Variants in CHL1 observed in about 807,000 individuals in gnomAD.
The protein encoded by CHL1 is cell adhesion molecule L1 like.
CHL1 carries 96 observed loss-of-function variants against 141.9 expected under a neutral mutation model. The observed-to-expected ratio is 0.68, with a 90% CI of 0.57 to 0.80. The LOEUF is 0.80. CHL1 is among the 30% of genes least tolerant of loss of function. CHL1 has a pLI of 0.00. For missense variants in CHL1, 1,820 were observed against 1,457.2 expected, an observed-to-expected ratio of 1.25 and a Z score of -4.05; for synonymous variants, 613 against 502.2, an observed-to-expected ratio of 1.22 and a Z score of -2.95.
chr3:370,660 T>C (rs1705513795), intron 15 of CHL1, among the ~76,000 whole-genome samples: 1 of 152,152 alleles, frequency 6.6e-6, no homozygotes, highest in South Asian at 2.1e-4. Context: ...CTTGGATTAG[T>C]TTGCTCTTGC....
intron 15 of CHL1, among the ~76,000 whole-genome samples, chr3:373,274 C>A (rs187340776): frequency 6.6e-5 from 10 of 152,340 alleles, no homozygotes; most frequent in Admixed American, 3.3e-4. Context: ...CCAGGGAGAT[C>A]TGGATTCTGT....
intron 1 of CHL1, among the ~76,000 whole-genome samples, chr3:219,146 CA>C (rs35572288): frequency 0.89 from 129,276 of 145,468 alleles, 58,668 homozygotes; most frequent in East Asian, 1. Context: ...GAGACTCTGT[CA>C]AAAAAAAAAA....
chr3:395,883 A>G (rs542813673), intron 24 of CHL1, among the ~76,000 whole-genome samples: 154 of 152,296 alleles, frequency 1.0e-3, no homozygotes, highest in Middle Eastern at 3.4e-3. Flanking sequence ...GAGAAAATGC[A>G]GTTGCCTATT....
intron 2 of CHL1, among the ~76,000 whole-genome samples, chr3:260,146 G>A (rs943801948): frequency 2.0e-5 from 3 of 152,020 alleles, no homozygotes; most frequent in African/African-American, 7.3e-5. Flanking sequence ...GACCTGTAAT[G>A]CCAGTTACTC....
chr3:363,110 C>A, intron 13 of CHL1, 107 bp from the exon 14 acceptor site: 3 of 867,938 alleles, frequency 3.5e-6, no homozygotes, highest in Admixed American at 3.0e-5. Flanking sequence ...ATGAGGTTTT[C>A]TGAGCTATTG....
chr3:249,974 CTT>C (rs58141673), intron 2 of CHL1, among the ~76,000 whole-genome samples: 2 of 147,844 alleles, frequency 1.4e-5, no homozygotes, highest in Non-Finnish European at 1.5e-5. Context: ...AAAAAGCATA[CTT>C]TTTTTTTTTG....
At chr3:213,890 C>G (rs1196812998) in intron 1 of CHL1, among the ~76,000 whole-genome samples, 1 of 151,940 alleles carries the variant, frequency 6.6e-6, no homozygotes, top group Non-Finnish European at 1.5e-5. Flanking sequence ...AAAAAACTTT[C>G]TGATGTGAAA....
intron 2 of CHL1, among the ~76,000 whole-genome samples, chr3:311,207 T>C (rs1393628390): frequency 6.6e-6 from 1 of 152,204 alleles, no homozygotes; most frequent in Non-Finnish European, 1.5e-5. Flanking sequence ...TTTGTGGACA[T>C]AAGTTTTCAA....
intron 4 of CHL1, among the ~76,000 whole-genome samples, chr3:326,799 T>C (rs190636963): frequency 2.6e-5 from 4 of 152,062 alleles, no homozygotes; most frequent in African/African-American, 9.6e-5. Flanking sequence ...GATTATCTTA[T>C]ATTCATTAAG....
intron 1 of CHL1, among the ~76,000 whole-genome samples, chr3:207,474 GAGA>G (rs908365939): frequency 3.3e-5 from 5 of 152,166 alleles, no homozygotes; most frequent in African/African-American, 4.8e-5. Context: ...TGACATAGTG[GAGA>G]ATTCATGCAT....
intron 5 of CHL1, among the ~76,000 whole-genome samples, chr3:337,341 C>T (rs557104415): frequency 5.4e-5 from 8 of 147,674 alleles, no homozygotes; most frequent in East Asian, 2.0e-4. Flanking sequence ...CAGGCGCCCG[C>T]CACCACGCCC....
intron 1 of CHL1, chr3:213,507 T>C (rs1053449717): frequency 1.3e-5 from 2 of 152,200 alleles, no homozygotes; most frequent in Non-Finnish European, 2.9e-5. Flanking sequence ...ACTGAATATA[T>C]GCCCATAAAA....
At chr3:289,776 T>G (rs1559206440) in intron 2 of CHL1, among the ~76,000 whole-genome samples, 1 of 151,714 alleles carries the variant, frequency 6.6e-6, no homozygotes. Context: ...ATTTAATACA[T>G]ATTGATTTAA....
chr3:202,209 G>A lies in CHL1; in HGVS notation c.-175+5146G>A, dbSNP rs11714881. Among the ~76,000 whole-genome samples, 764 of 152,194 alleles carry A rather than the reference G, an allele frequency of 5.0e-3. 8 individuals are homozygous for A. Among genetic ancestry groups the A allele is most frequent in the Non-Finnish European group, 7.2e-3 (492 of 67,998 alleles). On this transcript the variant is annotated intron_variant, in intron 1 of 27. Coordinates refer to ENST00000256509, the MANE Select transcript of CHL1 (RefSeq NM_006614.4). ...ATGTGTTCTTGTGGACATTGTATGG[G>A]GCAATCTATGCAGACAGATTAGTAG...
At chr3:235,469 C>T (rs1442414936) in intron 1 of CHL1, among the ~76,000 whole-genome samples, 1 of 152,014 alleles carries the variant, frequency 6.6e-6, no homozygotes, top group Admixed American at 6.6e-5. Flanking sequence ...CTGTAGTTAG[C>T]CCTGTATAAA....
At chr3:326,313 C>T (rs576672180) in intron 4 of CHL1, among the ~76,000 whole-genome samples, 1 of 151,976 alleles carries the variant, frequency 6.6e-6, no homozygotes, top group Non-Finnish European at 1.5e-5. Context: ...GTCTTTGGTA[C>T]AGCAGAAATA....
At chr3:405,226 G>A (rs1290189005) in intron 27 of CHL1, among the ~76,000 whole-genome samples, 2 of 152,128 alleles carry the variant, frequency 1.3e-5, no homozygotes, top group Admixed American at 6.5e-5. Context: ...CAGAAGCTAA[G>A]CTGCTCAATT....
intron 2 of CHL1, among the ~76,000 whole-genome samples, chr3:255,325 A>G (rs1041534486): frequency 6.6e-6 from 1 of 152,196 alleles, no homozygotes; most frequent in African/African-American, 2.4e-5. Context: ...AACAGGGAAG[A>G]CTTCCTAGAG....
intron 1 of CHL1, among the ~76,000 whole-genome samples, chr3:210,026 A>G (rs941474488): frequency 2.0e-5 from 3 of 152,212 alleles, no homozygotes; most frequent in African/African-American, 7.2e-5. Context: ...GGAATTCACC[A>G]TATGGCTTAA....
Sources: allele counts gnomAD v4.1 joint callset (sites outside exome capture counted in the v4.1 genomes callset), GRCh38; gene constraint gnomAD v4.1.1; transcripts MANE v1.5; gene names NCBI Gene and HGNC (gene_info 2026-07-23, HGNC 2026-07-21).